The following SRBD1 variants were observed in gnomAD, a reference collection of about 807,000 sequenced individuals.
SRBD1 encodes the protein S1 RNA binding domain 1, also known as S1 RNA-binding domain-containing protein 1.
In SRBD1, 88 loss-of-function variants were observed where a neutral mutation model predicts 115.3. The ratio of observed to expected loss-of-function variants is 0.76; its 90% CI spans 0.64 to 0.91. The LOEUF is 0.91. Among genes scored for constraint, SRBD1 ranks in the 40% least tolerant of loss-of-function variants. The probability of loss-of-function intolerance (pLI) is 0.00; values close to 1 mark genes in which losing one functional copy is unlikely to be tolerated. For synonymous variants in SRBD1, 509 were observed against 407.7 expected (o/e 1.25, Z -2.99); for missense variants, 1,385 against 1,177.4 (o/e 1.18, Z -2.58).
chr2:45,571,288 T>C (rs754231982), intron 9 of SRBD1, among the ~76,000 whole-genome samples: 1 of 152,004 alleles, frequency 6.6e-6, no homozygotes, highest in African/African-American at 2.4e-5. Context: ...TTTGTTTTTG[T>C]TTTTGGCTCC....
chr2:45,542,301 G>A (rs1671968192), intron 14 of SRBD1, among the ~76,000 whole-genome samples: 7 of 152,258 alleles, frequency 4.6e-5, no homozygotes, highest in Admixed American at 3.3e-4. Context: ...GGTGCTGGGA[G>A]CAGGGAGAGG....
At chr2:45,414,492 GTATA>G (rs540087660) in intron 18 of SRBD1, among the ~76,000 whole-genome samples, 4 of 150,584 alleles carry the variant, frequency 2.7e-5, no homozygotes, top group Non-Finnish European at 5.9e-5. Flanking sequence ...TGTACAGTGT[GTATA>G]TAGTGTGTGT....
intron 9 of SRBD1, 113 bp from the exon 10 acceptor site, chr2:45,562,869 A>ACATTTTAAAATAAT: frequency 1.6e-6 from 1 of 611,096 alleles, no homozygotes; most frequent in East Asian, 3.1e-5. Context: ...AAACAAGAAT[A>ACATTTTAAAATAAT]CATTTTAAAA....
chr2:45,421,676 C>T (rs879479219), intron 16 of SRBD1, among the ~76,000 whole-genome samples: 11 of 151,836 alleles, frequency 7.2e-5, no homozygotes, highest in Non-Finnish European at 1.5e-4. Flanking sequence ...ATCTGTGGGA[C>T]AGGAGACTTC....
chr2:45,500,718 C>A (rs1670605741), intron 14 of SRBD1, among the ~76,000 whole-genome samples: 2 of 152,120 alleles, frequency 1.3e-5, no homozygotes, highest in Admixed American at 6.5e-5. Flanking sequence ...AGCCAGCCAA[C>A]AGTATTGATT....
At chr2:45,520,108 AT>A (rs1671236892) in intron 14 of SRBD1, among the ~76,000 whole-genome samples, 1 of 152,208 alleles carries the variant, frequency 6.6e-6, no homozygotes, top group Non-Finnish European at 1.5e-5. Flanking sequence ...ATCCCAGGCA[AT>A]TATAATACTA....
intron 4 of SRBD1, among the ~76,000 whole-genome samples, chr2:45,586,725 T>A (rs1407222286): frequency 6.6e-6 from 1 of 150,918 alleles, no homozygotes; most frequent in African/African-American, 2.4e-5. Flanking sequence ...TTTTTTTTTA[T>A]TAGTGGAAAT....
intron 16 of SRBD1, among the ~76,000 whole-genome samples, chr2:45,431,253 G>A (rs1045959489): frequency 6.6e-6 from 1 of 152,132 alleles, no homozygotes; most frequent in African/African-American, 2.4e-5. Flanking sequence ...GATTCCTCAA[G>A]GATCTAGAAC....
rs11470984 is a variant in SRBD1 at position 45,463,017 on chromosome 2, C to CG, written c.2049+13975dup. 4.9e-3 allele frequency among the ~76,000 whole-genome samples: 573 copies of CG among 115,926 alleles called. 4 individuals are homozygous for CG. Among genetic ancestry groups the CG allele is most frequent in the East Asian group, 0.025 (65 of 2,560 alleles). The allele number at this position is 115,926 out of a possible 152,430, so 76.1% of individuals were successfully genotyped here. A position where few individuals can be genotyped will look rare whatever the true frequency, so the allele number is the denominator to read the frequency against. On this transcript the variant is annotated intron_variant, in intron 16 of 20. Coordinates refer to ENST00000263736, the MANE Select transcript of SRBD1 (RefSeq NM_018079.5). ...TGATATTTAATTGTTGAGAATAACC[C>CG]GGGGGGGGGGGGGGAAATCTCTCTT...
At position 45,602,037 on chromosome 2, in the gene SRBD1, G is replaced by C; in HGVS notation, c.127C>G (p.Pro43Ala). The change falls in exon 3 of 21, where the codon CCC becomes GCC. Residue 43 changes from proline (P) to alanine (A), a missense_variant. Coordinates refer to ENST00000263736, the MANE Select transcript of SRBD1 (RefSeq NM_018079.5). ...CGGCTTCTGGGAACTTTCTTTTGGG[G>C]CTCCCAGGCACTATCTTCCTTGTCA... is the stretch of plus-strand genomic sequence containing the variant. ...EDDKEDSAWE[P>A]QKKVPRSRKQ... 6.2e-7 allele frequency: 1 copy of C among 1,614,062 alleles called. No homozygotes were observed. Among genetic ancestry groups the C allele is most frequent in the South Asian group, 1.1e-5 (1 of 91,066 alleles).
chr2:45,519,420 T>C (rs780768500), intron 14 of SRBD1, among the ~76,000 whole-genome samples: 1 of 152,090 alleles, frequency 6.6e-6, no homozygotes, highest in Non-Finnish European at 1.5e-5. Flanking sequence ...AAACAAAAAG[T>C]TCATCTGGCC....
At chr2:45,562,261 T>C (rs1672689056) in intron 10 of SRBD1, among the ~76,000 whole-genome samples, 2 of 152,218 alleles carry the variant, frequency 1.3e-5, no homozygotes, top group Admixed American at 6.5e-5. Context: ...GGAGTCTTGC[T>C]CTGTCGCCCA....
At chr2:45,589,618 G>A (rs568830670) in intron 4 of SRBD1, among the ~76,000 whole-genome samples, 1 of 152,296 alleles carries the variant, frequency 6.6e-6, no homozygotes, top group East Asian at 1.9e-4. Context: ...GATGGTACTA[G>A]GTCCTAACAA....
chr2:45,511,346 T>C (rs1670962942), intron 14 of SRBD1, among the ~76,000 whole-genome samples: 1 of 152,212 alleles, frequency 6.6e-6, no homozygotes, highest in African/African-American at 2.4e-5. Context: ...CAGCAAATCA[T>C]ACTGTATCTT....
intron 16 of SRBD1, among the ~76,000 whole-genome samples, chr2:45,421,375 C>T (rs78671678): frequency 0.093 from 14,028 of 151,396 alleles, 930 homozygotes; most frequent in African/African-American, 0.18. Flanking sequence ...TGCGCCGTGG[C>T]GGACACCTGT....
chr2:45,606,395 G>A (rs1043308974), intron 1 of SRBD1, among the ~76,000 whole-genome samples: 1 of 151,968 alleles, frequency 6.6e-6, no homozygotes, highest in African/African-American at 2.4e-5. Context: ...CCCGACCTCA[G>A]GTGATCCGCC....
intron 14 of SRBD1, among the ~76,000 whole-genome samples, chr2:45,543,181 G>C (rs1021892178): frequency 6.6e-6 from 1 of 152,148 alleles, no homozygotes; most frequent in Non-Finnish European, 1.5e-5. Context: ...TGTGATAACT[G>C]AGACTCAGCA....
intron 16 of SRBD1, among the ~76,000 whole-genome samples, chr2:45,432,003 G>GTATTT (rs1553330552): frequency 7.0e-6 from 1 of 142,872 alleles, no homozygotes; most frequent in African/African-American, 2.6e-5. Flanking sequence ...AGAGTTAAAA[G>GTATTT]TATTTATTTA....
At chr2:45,473,921 A>C (rs745898024) in intron 16 of SRBD1, among the ~76,000 whole-genome samples, 1 of 152,220 alleles carries the variant, frequency 6.6e-6, no homozygotes, top group Non-Finnish European at 1.5e-5. Flanking sequence ...TGAACGCTGA[A>C]GGTTTAGAAC....
Sources: allele counts gnomAD v4.1 joint callset (sites outside exome capture counted in the v4.1 genomes callset), GRCh38; gene constraint gnomAD v4.1.1; transcripts MANE v1.5; gene names NCBI Gene and HGNC (gene_info 2026-07-23, HGNC 2026-07-21).